GRM5: variants seen among roughly 807,000 people sequenced by gnomAD.
GRM5 encodes the protein glutamate metabotropic receptor 5, also known as metabotropic glutamate receptor 5.
A neutral mutation model predicts 83.1 loss-of-function variants in GRM5; 19 were observed. The ratio of observed to expected loss-of-function variants is 0.23; its 90% CI spans 0.16 to 0.34. The LOEUF (loss-of-function observed/expected upper bound fraction) is 0.34. Among genes scored for constraint, GRM5 ranks in the 10% least tolerant of loss-of-function variants. The pLI, the probability that GRM5 is intolerant of heterozygous loss-of-function variation, is 1.00. For missense variants in GRM5, 1,160 were observed against 1,588.3 expected (o/e 0.73, Z 4.58); for synonymous variants, 675 against 633.6 (o/e 1.07, Z -0.98).
At position 88,860,450 on chromosome 11, in the gene GRM5, T is replaced by C. The variant is rs1397750285; in HGVS notation, c.662-10295A>G. Among the ~76,000 whole-genome samples, 4 of 152,258 alleles carry C rather than the reference T, an allele frequency of 2.6e-5. No homozygotes were observed. The South Asian group carries it at 6.2e-4, about 24-fold the overall frequency. ...TGGGTCGGGTGGATCGGTGAGTTAT[T>C]TATTTTGCCTGTTTTAGCTCACTAG... is the stretch of plus-strand genomic sequence containing the variant. On this transcript the variant is annotated intron_variant, in intron 2 of 9. Transcript: ENST00000305447.
chr11:88,975,181 C>T (rs1046371322), intron 2 of GRM5, among the ~76,000 whole-genome samples: 3 of 152,106 alleles, frequency 2.0e-5, no homozygotes, highest in African/African-American at 7.2e-5. Flanking sequence ...GATAAAATTT[C>T]TCAAATATAT....
At chr11:88,892,509 G>A (rs1249706017) in intron 2 of GRM5, among the ~76,000 whole-genome samples, 4 of 151,938 alleles carry the variant, frequency 2.6e-5, no homozygotes, top group Non-Finnish European at 5.9e-5. Context: ...CAACCCAAAA[G>A]GCCTATGTAG....
At chr11:88,757,758 G>A (rs565891139) in intron 3 of GRM5, among the ~76,000 whole-genome samples, 12 of 152,240 alleles carry the variant, frequency 7.9e-5, no homozygotes, top group Non-Finnish European at 1.5e-4. Context: ...ACCCCACCAT[G>A]CTACCTCTGC....
At chr11:88,608,237 GGTAACCA>G (rs780397257) in intron 4 of GRM5, among the ~76,000 whole-genome samples, 16 of 152,032 alleles carry the variant, frequency 1.1e-4, no homozygotes, top group Non-Finnish European at 2.1e-4. Flanking sequence ...CACACAAGTT[GGTAACCA>G]GTGCATGGTG....
At chr11:88,933,057 G>T (rs1423378143) in intron 2 of GRM5, among the ~76,000 whole-genome samples, 15 of 151,670 alleles carry the variant, frequency 9.9e-5, no homozygotes, top group Non-Finnish European at 1.8e-4. Context: ...TTCCAAATGG[G>T]CAATTCAGAA....
intron 2 of GRM5, among the ~76,000 whole-genome samples, chr11:88,932,346 C>T (rs1158916490): frequency 1.3e-5 from 2 of 151,854 alleles, no homozygotes; most frequent in Non-Finnish European, 2.9e-5. Flanking sequence ...TACATAAATG[C>T]CTAACAACAG....
At chr11:88,985,916 T>C (rs1939691063) in intron 2 of GRM5, among the ~76,000 whole-genome samples, 1 of 152,182 alleles carries the variant, frequency 6.6e-6, no homozygotes, top group South Asian at 2.1e-4. Flanking sequence ...GATAGTAGTA[T>C]AAAATAGTAT....
At chr11:88,851,510 T>C (rs1263521927) in intron 2 of GRM5, among the ~76,000 whole-genome samples, 2 of 152,164 alleles carry the variant, frequency 1.3e-5, no homozygotes, top group Non-Finnish European at 2.9e-5. Flanking sequence ...AAAGTCAGTT[T>C]ATATATGTTA....
intron 2 of GRM5, among the ~76,000 whole-genome samples, chr11:88,972,887 G>A (rs1174624171): frequency 2.0e-5 from 3 of 152,006 alleles, no homozygotes; most frequent in Admixed American, 6.6e-5. Flanking sequence ...ACACTGCAAA[G>A]AGCTCAGCAT....
rs1352875705 is a variant in GRM5 at position 88,953,437 on chromosome 11, T to TAA, written c.661+93774_661+93775insTT. Among the ~76,000 whole-genome samples, 4 of 152,324 alleles carry TAA rather than the reference T, an allele frequency of 2.6e-5. No homozygotes were observed. The East Asian group carries it at 7.7e-4, about 29-fold the overall frequency. On this transcript the variant is annotated intron_variant, in intron 2 of 9. Coordinates refer to ENST00000305447, the MANE Select transcript of GRM5 (RefSeq NM_001143831.3). ...AGCCTACTTTATCATGTTTTTTTCT[T>TAA]TCTTAAGTCAGTATCTTCAAAGAAG...
At chr11:88,657,172 A>G (rs761495722) in intron 3 of GRM5, among the ~76,000 whole-genome samples, 29 of 152,182 alleles carry the variant, frequency 1.9e-4, no homozygotes, top group Admixed American at 8.5e-4. Context: ...TAGTTGATGA[A>G]CACGTTGTGA....
intron 4 of GRM5, among the ~76,000 whole-genome samples, chr11:88,626,553 A>G (rs1429559327): frequency 2.0e-5 from 3 of 152,152 alleles, no homozygotes; most frequent in Non-Finnish European, 2.9e-5. Context: ...TGAAATTGCT[A>G]GGAAAAAAGT....
At chr11:88,986,424 T>C (rs990961144) in intron 2 of GRM5, among the ~76,000 whole-genome samples, 3 of 152,182 alleles carry the variant, frequency 2.0e-5, no homozygotes, top group African/African-American at 4.8e-5. Context: ...CTTTCTTAAC[T>C]GTATTAATGT....
chr11:88,804,050 G>A (rs1197435397), intron 3 of GRM5, among the ~76,000 whole-genome samples: 1 of 151,926 alleles, frequency 6.6e-6, no homozygotes, highest in African/African-American at 2.4e-5. Flanking sequence ...GTGCTGGAGA[G>A]GATGTGGAGA....
At chr11:88,521,910 TAA>T (rs1287458066) in intron 9 of GRM5, among the ~76,000 whole-genome samples, 1 of 152,198 alleles carries the variant, frequency 6.6e-6, no homozygotes, top group African/African-American at 2.4e-5. Context: ...GCTTCAACTG[TAA>T]ACACTGTGAA....
rs780650067 is a variant in GRM5, at chr11:89,047,235, T to A, written c.638A>T (p.Tyr213Phe). 6.2e-7 allele frequency: 1 copy of A among 1,612,440 alleles called. No individual in the cohort carries two copies. Among genetic ancestry groups the A allele is most frequent in the Non-Finnish European group, 8.5e-7 (1 of 1,178,710 alleles). ...ACCTTCTGTGTGCACGGCTGATACA[T>A]AGGTCCAGTTGTACCTCTTCACTAT... ...VDIVKRYNWT[Y>F]VSAVHTEGNY... The change falls in exon 2 of 10, where the codon TAT becomes TTT. Residue 213 changes from tyrosine (Y) to phenylalanine (F), a missense_variant. By Grantham distance (22) the Tyr-to-Phe change is conservative. Around this residue, in one of 9 missense-constraint regions of GRM5, gnomAD observed 84 missense variants for 231.0 expected, o/e 0.36. Coordinates refer to ENST00000305447, the MANE Select transcript of GRM5 (RefSeq NM_001143831.3). This position sits in a 1 kb window ranked among gnomAD's most constrained non-coding sequence, Gnocchi z 5.1.
At chr11:88,721,428 T>C (rs1941536796) in intron 3 of GRM5, among the ~76,000 whole-genome samples, 1 of 152,090 alleles carries the variant, frequency 6.6e-6, no homozygotes, top group African/African-American at 2.4e-5. Flanking sequence ...CACTGCAAAC[T>C]GTACAAAAGT....
intron 4 of GRM5, among the ~76,000 whole-genome samples, chr11:88,613,986 C>T (rs537014105): frequency 5.4e-4 from 82 of 152,242 alleles, no homozygotes; most frequent in East Asian, 1.4e-3. Flanking sequence ...GTTACTCACA[C>T]GATCCAGAAG....
At chr11:88,642,189 AT>A in intron 4 of GRM5, among the ~76,000 whole-genome samples, 1 of 152,152 alleles carries the variant, frequency 6.6e-6, no homozygotes, top group South Asian at 2.1e-4. Context: ...TATGACTTCC[AT>A]TCTCCAAAGT....
Sources: gnomAD v4.1 joint callset for allele counts (sites outside exome capture counted in the v4.1 genomes callset) on GRCh38, gnomAD v4.1.1 for gene constraint, gnomAD v4.1.1 regional missense constraint, Gnocchi (gnomAD v3.1) non-coding constraint, MANE v1.5 for transcripts, NCBI Gene and HGNC (gene_info 2026-07-23, HGNC 2026-07-21) for gene names.